COL5A2: variants seen among roughly 807,000 people sequenced by gnomAD.
COL5A2 encodes collagen type V alpha 2 chain, also known as collagen alpha-2(V) chain.
In COL5A2, 23 loss-of-function variants were observed where a neutral mutation model predicts 208.2. The observed-to-expected ratio is 0.11, with a 90% CI of 0.08 to 0.16. The LOEUF (loss-of-function observed/expected upper bound fraction) is 0.16. Among genes scored for constraint, COL5A2 ranks in the 10% least tolerant of loss-of-function variants. The probability of loss-of-function intolerance (pLI) is 1.00; values close to 1 mark genes in which losing one functional copy is unlikely to be tolerated. For synonymous variants in COL5A2, 625 were observed against 628.5 expected (o/e 0.99, Z 0.08); for missense variants, 1,590 against 1,956.4 (o/e 0.81, Z 3.53).
the COL5A2 span, among the ~76,000 whole-genome samples, chr2:189,289,507 T>G: frequency 2.0e-5 from 3 of 152,222 alleles, no homozygotes; most frequent in South Asian, 6.2e-4. Flanking sequence ...CCATTTCTAT[T>G]CAACATAGTA....
At chr2:189,168,741 C>T (rs1379019432) in intron 1 of COL5A2, among the ~76,000 whole-genome samples, 2 of 152,074 alleles carry the variant, frequency 1.3e-5, no homozygotes, top group Non-Finnish European at 2.9e-5. Flanking sequence ...AAGTTGATGA[C>T]CACAGAACAA....
intron 51 of COL5A2, 108 bp from the exon 52 acceptor site, chr2:189,036,911 G>T: frequency 1.1e-6 from 1 of 928,480 alleles, no homozygotes; most frequent in Non-Finnish European, 1.7e-6. Flanking sequence ...ACTGATTAAG[G>T]ATTCTTTTAA....
chr2:189,043,601 T>G (rs1685604673), intron 47 of COL5A2, among the ~76,000 whole-genome samples: 1 of 152,180 alleles, frequency 6.6e-6, no homozygotes, highest in Non-Finnish European at 1.5e-5. Context: ...ACATATTTAG[T>G]TGATATTATT....
the COL5A2 span, among the ~76,000 whole-genome samples, chr2:189,377,449 C>A: frequency 6.6e-6 from 1 of 152,136 alleles, no homozygotes; most frequent in Admixed American, 6.5e-5. Context: ...ACATGGTCCT[C>A]AAAGACAGGA....
intron 1 of COL5A2, among the ~76,000 whole-genome samples, chr2:189,118,691 C>T (rs1343735749): frequency 6.6e-6 from 1 of 152,096 alleles, no homozygotes; most frequent in Non-Finnish European, 1.5e-5. Flanking sequence ...GAGCTCAGTT[C>T]TGGAGGCATG....
the COL5A2 span, among the ~76,000 whole-genome samples, chr2:189,381,945 T>TA: frequency 1.1e-4 from 16 of 152,096 alleles, no homozygotes; most frequent in Admixed American, 1.0e-3. Context: ...ATAATTAAAT[T>TA]AGACAATATA....
chr2:189,415,302 A>G, the COL5A2 span, among the ~76,000 whole-genome samples: 16 of 152,150 alleles, frequency 1.1e-4, no homozygotes. Context: ...TGCTTTCCTC[A>G]ATATTCTTTA....
the COL5A2 span, among the ~76,000 whole-genome samples, chr2:189,251,037 A>C: frequency 2.6e-5 from 4 of 152,210 alleles, no homozygotes; most frequent in African/African-American, 9.6e-5. Flanking sequence ...AATCACATGC[A>C]AAATGGGAAT....
the COL5A2 span, among the ~76,000 whole-genome samples, chr2:189,401,242 T>C: frequency 6.6e-6 from 1 of 152,106 alleles, no homozygotes; most frequent in Non-Finnish European, 1.5e-5. Flanking sequence ...GGCATTAGTG[T>C]GTGTTGTTGT....
At chr2:189,059,013 C>A in intron 31 of COL5A2, 120 bp from the exon 32 acceptor site, 10 of 693,012 alleles carry the variant, frequency 1.4e-5, no homozygotes, top group South Asian at 3.7e-5. Flanking sequence ...CTGCATAAGC[C>A]AACAATTTAA....
intron 1 of COL5A2, among the ~76,000 whole-genome samples, chr2:189,189,027 GAAGA>G (rs952925864): frequency 2.3e-4 from 35 of 152,158 alleles, no homozygotes; most frequent in African/African-American, 8.0e-4. Flanking sequence ...GTCTTTGAGA[GAAGA>G]AAGGAGTTTT....
chr2:189,369,544 G>GT, the COL5A2 span, among the ~76,000 whole-genome samples: 1 of 151,900 alleles, frequency 6.6e-6, no homozygotes, highest in South Asian at 2.1e-4. Context: ...ACTCCTGAAA[G>GT]TTTTTTGAAT....
chr2:189,366,793 G>C, the COL5A2 span, among the ~76,000 whole-genome samples: 3 of 152,188 alleles, frequency 2.0e-5, no homozygotes, highest in East Asian at 5.8e-4. Context: ...TACATGCAGG[G>C]AATCAAAGAA....
chr2:189,097,684 T>G (rs1416700345), intron 5 of COL5A2: 4 of 490,832 alleles, frequency 8.1e-6, no homozygotes, highest in Non-Finnish European at 1.6e-5. Context: ...GCACAAAAAC[T>G]TACAATTCTG....
intron 1 of COL5A2, among the ~76,000 whole-genome samples, chr2:189,162,168 A>G (rs1040150642): frequency 2.6e-5 from 4 of 152,222 alleles, no homozygotes; most frequent in Non-Finnish European, 5.9e-5. Flanking sequence ...AGCACAGACC[A>G]CAAAGTATTA....
intron 50 of COL5A2, among the ~76,000 whole-genome samples, chr2:189,040,281 C>G (rs1257271231): frequency 6.6e-6 from 1 of 151,866 alleles, no homozygotes; most frequent in East Asian, 1.9e-4. Context: ...TGCCAAGGTG[C>G]CCAGTATTCC....
At chr2:189,078,774 C>G (rs1475100756) in intron 15 of COL5A2, among the ~76,000 whole-genome samples, 1 of 152,076 alleles carries the variant, frequency 6.6e-6, no homozygotes, top group Admixed American at 6.6e-5. Flanking sequence ...TTCACTTAAC[C>G]TGGCTTTAAT....
chr2:189,071,055 G>C (rs964231077), intron 18 of COL5A2, among the ~76,000 whole-genome samples: 1 of 152,096 alleles, frequency 6.6e-6, no homozygotes, highest in African/African-American at 2.4e-5. Flanking sequence ...TTTTTCTTCT[G>C]GTTTGTTTCT....
the COL5A2 span, among the ~76,000 whole-genome samples, chr2:189,344,234 G>T: frequency 2.0e-4 from 30 of 152,250 alleles, no homozygotes; most frequent in Non-Finnish European, 3.7e-4. Context: ...GCCCCAAGAG[G>T]TAATCCAATG....
Sources: allele counts gnomAD v4.1 joint callset (sites outside exome capture counted in the v4.1 genomes callset), GRCh38; gene constraint gnomAD v4.1.1; transcripts MANE v1.5; gene names NCBI Gene and HGNC (gene_info 2026-07-23, HGNC 2026-07-21).